The following PRTFDC1 variants were observed in gnomAD, a reference collection of about 807,000 sequenced individuals.
PRTFDC1 encodes phosphoribosyltransferase domain-containing protein 1.
In PRTFDC1, 38 loss-of-function variants were observed where a neutral mutation model predicts 34.6. The observed-to-expected ratio is 1.10, with a 90% confidence interval of 0.85 to 1.44. The LOEUF is 1.44. Among genes scored for constraint, PRTFDC1 ranks in the 40% most tolerant of loss-of-function variants. The probability of loss-of-function intolerance (pLI) is 0.00; values close to 1 mark genes in which losing one functional copy is unlikely to be tolerated. For missense variants in PRTFDC1, 270 were observed against 283.0 expected (o/e 0.95, Z 0.33); for synonymous variants, 93 against 98.1 (o/e 0.95, Z 0.31).
intron 4 of PRTFDC1, among the ~76,000 whole-genome samples, chr10:24,860,547 A>T (rs544104324): frequency 9.7e-4 from 148 of 152,324 alleles, no homozygotes; most frequent in African/African-American, 3.4e-3. Context: ...ATGTTAAAAT[A>T]ACTTCTTGGA....
intron 3 of PRTFDC1, among the ~76,000 whole-genome samples, chr10:24,900,679 A>G (rs1420862978): frequency 6.6e-6 from 1 of 152,248 alleles, no homozygotes. Flanking sequence ...TGAATAAAAA[A>G]CATTCTACAA....
intron 6 of PRTFDC1, among the ~76,000 whole-genome samples, chr10:24,856,005 A>G (rs959456641): frequency 1.3e-5 from 2 of 148,970 alleles, no homozygotes; most frequent in African/African-American, 2.5e-5. Flanking sequence ...TCTCAGCTAC[A>G]TGGGAGTCTG....
intron 3 of PRTFDC1, among the ~76,000 whole-genome samples, chr10:24,911,430 T>C (rs1187790259): frequency 6.6e-6 from 1 of 152,276 alleles, no homozygotes; most frequent in Non-Finnish European, 1.5e-5. Flanking sequence ...TCCGTTGCTT[T>C]GTATTGCTGA....
intron 3 of PRTFDC1, among the ~76,000 whole-genome samples, chr10:24,897,033 A>C (rs981166197): frequency 6.6e-6 from 1 of 152,122 alleles, no homozygotes; most frequent in Non-Finnish European, 1.5e-5. Context: ...AACATGGCAA[A>C]AACCCATCTC....
chr10:24,908,802 C>A, intron 3 of PRTFDC1: 2 of 1,389,270 alleles, frequency 1.4e-6, no homozygotes, highest in Non-Finnish European at 1.9e-6. Context: ...AGCCAGATAG[C>A]CCTCACATCC....
intron 3 of PRTFDC1, among the ~76,000 whole-genome samples, chr10:24,916,756 T>C (rs1279973264): frequency 1.3e-5 from 2 of 152,156 alleles, no homozygotes; most frequent in Admixed American, 6.5e-5. Context: ...ATTTCTTCTT[T>C]TCTCGTTTTG....
intron 3 of PRTFDC1, among the ~76,000 whole-genome samples, chr10:24,910,660 C>T (rs972993602): frequency 2.6e-5 from 4 of 152,034 alleles, no homozygotes; most frequent in African/African-American, 7.3e-5. Flanking sequence ...ATAATGCAAG[C>T]CCACTTATTT....
At chr10:24,909,387 C>T (rs945605096) in intron 3 of PRTFDC1, among the ~76,000 whole-genome samples, 3 of 152,012 alleles carry the variant, frequency 2.0e-5, no homozygotes, top group Non-Finnish European at 4.4e-5. Context: ...TATCCATTAC[C>T]CCTTATCTCA....
intron 1 of PRTFDC1, among the ~76,000 whole-genome samples, chr10:24,943,663 C>CCCTT (rs10693714): frequency 0.21 from 31,494 of 151,614 alleles, 3,384 homozygotes; most frequent in East Asian, 0.43. Flanking sequence ...GATTGTCCAG[C>CCCTT]CTCAGTCCCC....
chr10:24,915,245 T>C (rs563480772), intron 3 of PRTFDC1, among the ~76,000 whole-genome samples: 1 of 152,334 alleles, frequency 6.6e-6, no homozygotes, highest in African/African-American at 2.4e-5. Flanking sequence ...CTAAAGTTTG[T>C]GTTTATGGTT....
intron 1 of PRTFDC1, among the ~76,000 whole-genome samples, chr10:24,947,399 T>C (rs952899823): frequency 6.6e-6 from 1 of 152,188 alleles, no homozygotes; most frequent in East Asian, 1.9e-4. Flanking sequence ...ACTTGCTTTT[T>C]AAAAAATCAA....
rs567464332 is a variant in PRTFDC1, at chr10:24,916,578, T to C, written c.339+20606A>G. Among the ~76,000 whole-genome samples the C allele has an allele frequency of 3.3e-5, 5 of 152,328 alleles. No individual in the cohort carries two copies. The East Asian group carries it at 9.6e-4, about 29-fold the overall frequency. On this transcript the variant is annotated intron_variant, in intron 3 of 8. Coordinates refer to ENST00000320152, the MANE Select transcript of PRTFDC1 (RefSeq NM_020200.7). ...ATTGCCACCTAAGGGCCATTGCACT[T>C]GCTGCTTCCTCTTCCTGGGACTGAC...
intron 3 of PRTFDC1, among the ~76,000 whole-genome samples, chr10:24,873,887 A>G (rs1461070136): frequency 6.6e-6 from 1 of 151,812 alleles, no homozygotes; most frequent in Non-Finnish European, 1.5e-5. Flanking sequence ...GAAAAAAAAA[A>G]AAGACCTTAT....
chr10:24,952,152 C>A lies in PRTFDC1; in HGVS notation c.48+376G>T, dbSNP rs1378655044. Among the ~76,000 whole-genome samples the A allele has an allele frequency of 1.3e-5, 2 of 152,204 alleles. No individual in the cohort carries two copies. The highest frequency in any genetic ancestry group is 2.9e-5 in the Non-Finnish European group (2 of 68,032). ...CCGCCCTGGAGGAGTCAAGAGGAGA[C>A]CCAGGAAGAAGGAGGCCTCCAGAGC... On this transcript the variant is annotated intron_variant, in intron 1 of 8. Transcript: ENST00000320152. The surrounding 1 kb of genome is among the most constrained non-coding windows in gnomAD (Gnocchi z 5.1).
In PRTFDC1 at chr10:24,877,665, G is replaced by C. The variant is rs540132410; in HGVS notation, c.340-5602C>G. On this transcript the variant is annotated intron_variant, in intron 3 of 8. Transcript: ENST00000320152. ...AGACAGAGTCTTGCTCTGTTGCACA[G>C]GCTGGAGTGCAGTGGTACAATTTCA... Among the ~76,000 whole-genome samples the C allele has an allele frequency of 2.9e-3, 434 of 152,206 alleles. 1 individual carries two copies. Among genetic ancestry groups the C allele is most frequent in the African/African-American group, 9.9e-3 (410 of 41,542 alleles).
chr10:24,851,219 CA>C (rs1847481536), intron 8 of PRTFDC1, among the ~76,000 whole-genome samples, 168 bp downstream of exon 8: 1 of 152,164 alleles, frequency 6.6e-6, no homozygotes, highest in East Asian at 1.9e-4. Flanking sequence ...ACCTACCCTG[CA>C]GAATAGTAGT....
chr10:24,853,813 G>A (rs1204295565), intron 7 of PRTFDC1, among the ~76,000 whole-genome samples: 1 of 152,140 alleles, frequency 6.6e-6, no homozygotes, highest in Non-Finnish European at 1.5e-5. Context: ...ATGAATCAGA[G>A]TGACCTATCC....
At position 24,871,943 on chromosome 10, in the gene PRTFDC1, G is replaced by A. The variant is rs867668098; in HGVS notation, c.405+55C>T. Reference sequence around the variant, plus strand: ...CCTGTGAGTGCTGACCTGAAATGCAGGTCACCGATGCCCCCAGACCTCAAT... The same window carrying A: ...CCTGTGAGTGCTGACCTGAAATGCAAGTCACCGATGCCCCCAGACCTCAAT... On this transcript the variant is annotated intron_variant, in intron 4 of 8. Coordinates refer to ENST00000320152, the MANE Select transcript of PRTFDC1 (RefSeq NM_020200.7). 12 of 1,474,910 alleles carry A rather than the reference G, an allele frequency of 8.1e-6. No homozygotes were observed. In the African/African-American group the frequency reaches 8.4e-5, roughly 10 times the overall value. 91.4% of individuals were successfully genotyped at this position (1,474,910 alleles called of 1,614,324 possible).
At chr10:24,888,736 A>G (rs1000973314) in intron 3 of PRTFDC1, among the ~76,000 whole-genome samples, 1 of 152,244 alleles carries the variant, frequency 6.6e-6, no homozygotes, top group Non-Finnish European at 1.5e-5. Context: ...AAGAAAAGGT[A>G]TCAATGTACC....
Sources: gnomAD v4.1 joint callset for allele counts (sites outside exome capture counted in the v4.1 genomes callset) on GRCh38, gnomAD v4.1.1 for gene constraint, Gnocchi (gnomAD v3.1) non-coding constraint, MANE v1.5 for transcripts, NCBI Gene and HGNC (gene_info 2026-07-23, HGNC 2026-07-21) for gene names.